GRIA4: variants seen among roughly 807,000 people sequenced by gnomAD.
The protein encoded by GRIA4 is glutamate receptor 4.
GRIA4 carries 34 observed loss-of-function variants against 104.0 expected under a neutral mutation model. That is an observed-to-expected ratio of 0.33 (90% CI 0.25 to 0.44). GRIA4 has a LOEUF of 0.44. Ranked by LOEUF, GRIA4 falls within the 20% of genes least tolerant of loss-of-function variation. The pLI is 1.00. For missense variants in GRIA4, 750 were observed against 1,096.5 expected (o/e 0.68, Z 4.46); for synonymous variants, 386 against 381.9 (o/e 1.01, Z -0.13).
rs1320918655 is a variant in GRIA4, at chr11:105,956,036, G to A, written c.2295-15878G>A. 4.6e-5 allele frequency among the ~76,000 whole-genome samples: 7 copies of A among 152,146 alleles called. No individual in the cohort carries two copies. The East Asian group carries it at 7.7e-4, about 17-fold the overall frequency. ...TCTGGATATTAGACGTTTGTCAGAC[G>A]GGTAGATTGCAAAAATTATCTTCCA... On this transcript the variant is annotated intron_variant, in intron 14 of 16. Transcript: ENST00000282499.
intron 3 of GRIA4, among the ~76,000 whole-genome samples, chr11:105,749,920 G>A (rs1159775354): frequency 6.6e-6 from 1 of 152,074 alleles, no homozygotes; most frequent in Admixed American, 6.6e-5. Flanking sequence ...GTATTTAGTG[G>A]CTAAGCATTA....
chr11:105,795,077 T>C (rs1942424209), intron 4 of GRIA4, among the ~76,000 whole-genome samples: 1 of 152,140 alleles, frequency 6.6e-6, no homozygotes, highest in East Asian at 1.9e-4. Flanking sequence ...TACTTTGAAA[T>C]TGAATTTCAG....
At chr11:105,820,772 G>T (rs528596636) in intron 4 of GRIA4, among the ~76,000 whole-genome samples, 1 of 152,078 alleles carries the variant, frequency 6.6e-6, no homozygotes, top group African/African-American at 2.4e-5. Context: ...TTAGAGACAG[G>T]GTCAGAAATG....
At chr11:105,627,196 T>A (rs1480346423) in intron 3 of GRIA4, among the ~76,000 whole-genome samples, 1 of 152,162 alleles carries the variant, frequency 6.6e-6, no homozygotes, top group Non-Finnish European at 1.5e-5. Context: ...AAGAAAAATA[T>A]TTCAGGTAGA....
At chr11:105,661,654 T>G (rs1208606777) in intron 3 of GRIA4, among the ~76,000 whole-genome samples, 1 of 147,458 alleles carries the variant, frequency 6.8e-6, no homozygotes, top group African/African-American at 2.5e-5. Flanking sequence ...AAATTACATC[T>G]CGACTTTGTT....
intron 4 of GRIA4, among the ~76,000 whole-genome samples, chr11:105,848,029 A>G (rs1408769969): frequency 6.6e-6 from 1 of 152,236 alleles, no homozygotes; most frequent in East Asian, 1.9e-4. Context: ...AAAAATGATA[A>G]TTTTGACATC....
intron 14 of GRIA4, among the ~76,000 whole-genome samples, chr11:105,942,453 T>C (rs1295747875): frequency 6.6e-6 from 1 of 152,058 alleles, no homozygotes; most frequent in African/African-American, 2.4e-5. Context: ...ATTATAGTTT[T>C]TGAACCACTT....
intron 4 of GRIA4, among the ~76,000 whole-genome samples, chr11:105,781,652 T>C (rs948379610): frequency 2.6e-5 from 4 of 152,154 alleles, no homozygotes; most frequent in Non-Finnish European, 4.4e-5. Flanking sequence ...ATTCGTTCAA[T>C]TTATAGGTCG....
chr11:105,843,828 A>G (rs767306744), intron 4 of GRIA4, among the ~76,000 whole-genome samples: 37 of 152,224 alleles, frequency 2.4e-4, no homozygotes, highest in Non-Finnish European at 4.6e-4. Context: ...AACTGCCTGG[A>G]TACTTAAGAC....
chr11:105,634,304 G>A (rs566303136), intron 3 of GRIA4, among the ~76,000 whole-genome samples: 1 of 148,846 alleles, frequency 6.7e-6, no homozygotes, highest in East Asian at 2.0e-4. Flanking sequence ...CCAGGACTGT[G>A]CTATTGCCTT....
rs562909692 is a variant in GRIA4 at position 105,712,403 on chromosome 11, A to C, written c.248-40578A>C. On this transcript the variant is annotated intron_variant, in intron 3 of 16. Transcript: ENST00000282499. ...TCAAGAAAAGTGAAAGGATCTATCT[A>C]TATATAGATATAGATATATATATTC... 5.9e-5 allele frequency among the ~76,000 whole-genome samples: 9 copies of C among 152,170 alleles called. No individual in the cohort carries two copies. The East Asian group carries it at 1.4e-3, about 23-fold the overall frequency.
intron 6 of GRIA4, among the ~76,000 whole-genome samples, chr11:105,895,643 G>C (rs1946625532): frequency 6.6e-6 from 1 of 151,936 alleles, no homozygotes; most frequent in Non-Finnish European, 1.5e-5. Flanking sequence ...GAGAGAGAGA[G>C]AGAGAGAGAA....
At position 105,715,536 on chromosome 11, in the gene GRIA4, A is replaced by G. The variant is rs866047751; in HGVS notation, c.248-37445A>G. Among the ~76,000 whole-genome samples the G allele has an allele frequency of 3.3e-5, 5 of 152,212 alleles. No individual in the cohort carries two copies. In the South Asian group the frequency reaches 1.0e-3, roughly 31 times the overall value. On this transcript the variant is annotated intron_variant, in intron 3 of 16. Transcript: ENST00000282499. ...GACCAGGAAGAGGTCATTAATATCA[A>G]TACAAAAGATTAAGAAAGGCTACAG...
intron 4 of GRIA4, among the ~76,000 whole-genome samples, chr11:105,853,478 G>T (rs1007813798): frequency 6.6e-6 from 1 of 152,144 alleles, no homozygotes; most frequent in Non-Finnish European, 1.5e-5. Context: ...GAGTTGTAGA[G>T]TTTTTGCATT....
chr11:105,881,152 G>A (rs1946041720), intron 5 of GRIA4, among the ~76,000 whole-genome samples: 1 of 152,164 alleles, frequency 6.6e-6, no homozygotes, highest in South Asian at 2.1e-4. Context: ...ATTACTGGAG[G>A]AGGCTAGTGT....
intron 10 of GRIA4, chr11:105,912,493 A>G (rs1947282549): frequency 1.6e-5 from 13 of 797,562 alleles, no homozygotes; most frequent in Non-Finnish European, 2.0e-5. Context: ...AAAAAAGACT[A>G]AAAATGACTG....
chr11:105,754,794 A>T (rs1188010943), intron 4 of GRIA4, among the ~76,000 whole-genome samples: 4 of 152,152 alleles, frequency 2.6e-5, no homozygotes, highest in Non-Finnish European at 4.4e-5. Context: ...ACTCTCTTTA[A>T]TGCTTAATAT....
At position 105,632,278 on chromosome 11, in the gene GRIA4, T is replaced by C. The variant is rs568267707; in HGVS notation, c.247+19844T>C. 4.6e-5 allele frequency among the ~76,000 whole-genome samples: 7 copies of C among 152,332 alleles called. No homozygotes were observed. The East Asian group carries it at 1.2e-3, about 25-fold the overall frequency. On this transcript the variant is annotated intron_variant, in intron 3 of 16. Coordinates refer to ENST00000282499, the MANE Select transcript of GRIA4 (RefSeq NM_000829.4). ...TTACTGTTTTGGGTTCTCTTCAGTC[T>C]AAAGTTTTAGCTGACACCCCATCTC...
chr11:105,677,333 T>C (rs1952570252), intron 3 of GRIA4, among the ~76,000 whole-genome samples: 2 of 151,874 alleles, frequency 1.3e-5, no homozygotes, highest in African/African-American at 4.8e-5. Flanking sequence ...CTTGTAAAAT[T>C]AACTGAGCAA....
Sources: allele counts gnomAD v4.1 joint callset (sites outside exome capture counted in the v4.1 genomes callset), GRCh38; gene constraint gnomAD v4.1.1; transcripts MANE v1.5; gene names NCBI Gene and HGNC (gene_info 2026-07-23, HGNC 2026-07-21).